The following EXOC4 variants were observed in gnomAD, a reference collection of about 807,000 sequenced individuals.
The protein encoded by EXOC4 is SEC8-like 1.
EXOC4 carries 71 observed loss-of-function variants against 107.2 expected under a neutral mutation model. The ratio of observed to expected loss-of-function variants is 0.66; its 90% CI spans 0.55 to 0.81. The LOEUF (loss-of-function observed/expected upper bound fraction) is 0.81, where lower values mean the gene tolerates loss of function less well. Among genes scored for constraint, EXOC4 ranks in the 30% least tolerant of loss-of-function variants. EXOC4 has a pLI of 0.00. For synonymous variants in EXOC4, 456 were observed against 441.2 expected (o/e 1.03, Z -0.42); for missense variants, 1,108 against 1,189.6 (o/e 0.93, Z 1.01).
intron 15 of EXOC4, 123 bp downstream of exon 15, chr7:133,997,756 A>G (rs1794431869): frequency 8.9e-7 from 1 of 1,125,944 alleles, no homozygotes; most frequent in East Asian, 2.6e-5. Flanking sequence ...ATCCCTTTTT[A>G]CACTGAAAGT....
intron 7 of EXOC4, among the ~76,000 whole-genome samples, chr7:133,471,190 T>C (rs2150841907): frequency 6.6e-6 from 1 of 152,268 alleles, no homozygotes; most frequent in South Asian, 2.1e-4. Flanking sequence ...GGCAGGCAGA[T>C]AACCTGAGAT....
chr7:134,031,100 T>C (rs1192196350), intron 17 of EXOC4, among the ~76,000 whole-genome samples: 1 of 152,174 alleles, frequency 6.6e-6, no homozygotes, highest in African/African-American at 2.4e-5. Flanking sequence ...GTGTTCACTT[T>C]AGGGCTTGAT....
At chr7:133,413,138 AG>A (rs1797400610) in intron 7 of EXOC4, among the ~76,000 whole-genome samples, 1 of 152,128 alleles carries the variant, frequency 6.6e-6, no homozygotes, top group African/African-American at 2.4e-5. Context: ...ACCAATTCAA[AG>A]CGGAGAGCTC....
chr7:133,690,630 A>G (rs1272372142), intron 10 of EXOC4, among the ~76,000 whole-genome samples: 2 of 152,184 alleles, frequency 1.3e-5, no homozygotes, highest in Non-Finnish European at 2.9e-5. Context: ...CTTTTTCACT[A>G]CTTTCTTTAA....
At chr7:133,447,361 G>C (rs1798243380) in intron 7 of EXOC4, 1 of 152,038 alleles carries the variant, frequency 6.6e-6, no homozygotes, top group Non-Finnish European at 1.5e-5. Context: ...CTTCTGTAGA[G>C]TCTACCAGGC....
intron 10 of EXOC4, among the ~76,000 whole-genome samples, chr7:133,746,900 G>T (rs1795688829): frequency 6.6e-6 from 1 of 152,104 alleles, no homozygotes; most frequent in Non-Finnish European, 1.5e-5. Flanking sequence ...TCTAAAGAGG[G>T]TCTCACTGAA....
At chr7:134,011,764 G>A (rs1794769608) in intron 17 of EXOC4, among the ~76,000 whole-genome samples, 2 of 149,158 alleles carry the variant, frequency 1.3e-5, no homozygotes, top group Admixed American at 1.3e-4. Context: ...AAGTATTTCA[G>A]ATGATAATAT....
At chr7:133,320,254 G>A (rs1795082334) in intron 5 of EXOC4, among the ~76,000 whole-genome samples, 1 of 152,170 alleles carries the variant, frequency 6.6e-6, no homozygotes, top group African/African-American at 2.4e-5. Flanking sequence ...TTGTAGGTGA[G>A]AAGTCTAACA....
intron 9 of EXOC4, among the ~76,000 whole-genome samples, chr7:133,529,821 T>A (rs1800148169): frequency 6.6e-6 from 1 of 152,196 alleles, no homozygotes; most frequent in African/African-American, 2.4e-5. Context: ...ATCTAGGTCA[T>A]CATTTTTCTA....
At chr7:133,521,854 C>T (rs770238037) in intron 9 of EXOC4, among the ~76,000 whole-genome samples, 20 of 151,974 alleles carry the variant, frequency 1.3e-4, no homozygotes, top group Non-Finnish European at 1.9e-4. Flanking sequence ...CTGCTGACCT[C>T]GTGATCCGCC....
At chr7:133,586,765 A>G (rs898550383) in intron 9 of EXOC4, among the ~76,000 whole-genome samples, 3 of 152,152 alleles carry the variant, frequency 2.0e-5, no homozygotes, top group Non-Finnish European at 2.9e-5. Context: ...TTGTTTATCT[A>G]GATATACTCA....
intron 11 of EXOC4, among the ~76,000 whole-genome samples, chr7:133,838,341 T>A (rs1797959784): frequency 6.6e-6 from 1 of 152,118 alleles, no homozygotes; most frequent in Non-Finnish European, 1.5e-5. Context: ...TCTCTAGGGG[T>A]ATAAATTGAT....
intron 7 of EXOC4, among the ~76,000 whole-genome samples, chr7:133,437,435 C>CACTT (rs1798001532): frequency 6.6e-6 from 1 of 152,124 alleles, no homozygotes; most frequent in Non-Finnish European, 1.5e-5. Flanking sequence ...ATCTGGTGAT[C>CACTT]ACTTACTATT....
chr7:134,096,142 C>T, the EXOC4 span, among the ~76,000 whole-genome samples: 2 of 152,080 alleles, frequency 1.3e-5, no homozygotes, highest in Non-Finnish European at 2.9e-5. Flanking sequence ...AAAGAACAGA[C>T]ACTTCCCAAA....
chr7:133,725,290 T>G (rs1282684570), intron 10 of EXOC4, among the ~76,000 whole-genome samples: 7 of 152,214 alleles, frequency 4.6e-5, no homozygotes, highest in Non-Finnish European at 1.0e-4. Flanking sequence ...GGGAGAAGCC[T>G]TAGGAATGCA....
Position 134,022,914 on chromosome 7 carries a change from C to T in EXOC4, c.2687+15079C>T, listed in dbSNP as rs560148086. ...TTTTGTCTAATCTCTCTTGTTCATT[C>T]CTGATCAGTGAAGTATCCTTAGTCT... On this transcript the variant is annotated intron_variant, in intron 17 of 17. Coordinates refer to ENST00000253861, the MANE Select transcript of EXOC4 (RefSeq NM_021807.4). 3.9e-5 allele frequency among the ~76,000 whole-genome samples: 6 copies of T among 152,304 alleles called. No individual in the cohort carries two copies. The South Asian group carries it at 1.2e-3, about 32-fold the overall frequency.
intron 11 of EXOC4, among the ~76,000 whole-genome samples, chr7:133,820,154 A>ATTTTTT (rs35640945): frequency 1.4e-4 from 10 of 70,288 alleles, no homozygotes; most frequent in African/African-American, 2.7e-4. Flanking sequence ...CACCTGCTTC[A>ATTTTTT]TTTTTTTTTT....
At chr7:134,067,624 C>T (rs567027186), downstream of EXOC4, among the ~76,000 whole-genome samples, 511 of 69,060 alleles carry the variant, frequency 7.4e-3, 3 homozygotes, top group Non-Finnish European at 0.011. Context: ...GGACCCAACT[C>T]TTATATATAT....
intron 4 of EXOC4, among the ~76,000 whole-genome samples, chr7:133,308,075 G>C (rs929076054): frequency 6.6e-6 from 1 of 152,158 alleles, no homozygotes; most frequent in Non-Finnish European, 1.5e-5. Flanking sequence ...AAGCTTCAGA[G>C]AGAAGATCTG....
Sources: gnomAD v4.1 joint callset for allele counts (sites outside exome capture counted in the v4.1 genomes callset) on GRCh38, gnomAD v4.1.1 for gene constraint, MANE v1.5 for transcripts, NCBI Gene and HGNC (gene_info 2026-07-23, HGNC 2026-07-21) for gene names.